Variants in COL4A5 observed in about 807,000 individuals in gnomAD.
COL4A5 encodes collagen type IV alpha 5 chain.
A neutral mutation model predicts 130.2 loss-of-function variants in COL4A5; 26 were observed. The observed-to-expected ratio is 0.20, with a 90% CI of 0.15 to 0.28. COL4A5 has a LOEUF of 0.28. Among genes scored for constraint, COL4A5 ranks in the 10% least tolerant of loss-of-function variants. The pLI, the probability that COL4A5 is intolerant of heterozygous loss-of-function variation, is 1.00. For synonymous variants in COL4A5, 496 were observed against 439.6 expected, an observed-to-expected ratio of 1.13 and a Z score of -1.60; for missense variants, 1,131 against 1,344.3, an observed-to-expected ratio of 0.84 and a Z score of 2.48.
rs752050845 is a variant in COL4A5, at chrX:108,677,622, C to T, written c.3931C>T (p.Pro1311Ser). The T allele has an allele frequency of 1.7e-6, 2 of 1,210,126 alleles. No individual in the cohort carries two copies. The highest frequency in any genetic ancestry group is 2.2e-6 in the Non-Finnish European group (2 of 894,543). The change falls in exon 44 of 53, where the codon CCA becomes TCA. Residue 1311 changes from proline (P) to serine (S), a missense_variant. Pro to Ser is a moderately conservative substitution (Grantham distance 74, BLOSUM62 -1). Transcript: ENST00000328300. ...TGGTTTGAAAGGAGATCAAGGACCA[C>T]CAGGACTCCAGGTAGGAAATGGAAG... ...LPGLKGDQGPPGLQGNPGRPG... is the reference protein window; with the variant it reads ...LPGLKGDQGPSGLQGNPGRPG...
intron 46 of COL4A5, among the ~76,000 whole-genome samples, chrX:108,681,395 A>C (rs2068425963): frequency 9.1e-6 from 1 of 109,772 alleles, no homozygotes; most frequent in Non-Finnish European, 1.9e-5. Context: ...AAGCACAGCA[A>C]GCAAAAACTG....
At chrX:108,651,417 T>C (rs1359143340) in intron 36 of COL4A5, among the ~76,000 whole-genome samples, 1 of 112,177 alleles carries the variant, frequency 8.9e-6, no homozygotes, top group Non-Finnish European at 1.9e-5. Context: ...GTAATGTTTT[T>C]AGTTGTCTTT....
chrX:108,494,182 C>G (rs1447783178), intron 1 of COL4A5, among the ~76,000 whole-genome samples: 2 of 111,432 alleles, frequency 1.8e-5, no homozygotes, highest in East Asian at 5.6e-4. Context: ...CAGGTCCAAA[C>G]AGATCTAGCA....
intron 2 of COL4A5, among the ~76,000 whole-genome samples, chrX:108,547,192 T>G (rs2065672099): frequency 8.9e-6 from 1 of 111,962 alleles, no homozygotes; most frequent in Non-Finnish European, 1.9e-5. Context: ...ACTCTGACTT[T>G]TAGAATTTTC....
chrX:108,568,523 T>A, intron 4 of COL4A5, 106 bp from the exon 5 acceptor site: 1 of 584,498 alleles, frequency 1.7e-6, no homozygotes, highest in South Asian at 2.6e-5. Flanking sequence ...TGAGACACAA[T>A]TTTTCCAAAT....
chrX:108,674,776 T>TA, intron 43 of COL4A5, 23 bp downstream of exon 43: 4 of 1,156,736 alleles, frequency 3.5e-6, no homozygotes, highest in Non-Finnish European at 3.5e-6. Context: ...ACTGGTCAAT[T>TA]CTTTTTTTTT....
chrX:108,592,659 C>T (rs1025274703), intron 21 of COL4A5, among the ~76,000 whole-genome samples: 1 of 110,448 alleles, frequency 9.1e-6, no homozygotes, highest in Non-Finnish European at 1.9e-5. Flanking sequence ...AATGTCAGGT[C>T]TGTCCTTTTT....
intron 1 of COL4A5, among the ~76,000 whole-genome samples, chrX:108,537,974 A>G (rs2065479865): frequency 8.9e-6 from 1 of 111,955 alleles, no homozygotes; most frequent in South Asian, 3.7e-4. Flanking sequence ...TTGCAGAAAA[A>G]TATTATATAT....
chrX:108,582,988 C>T (rs2066275519), intron 17 of COL4A5, 51 bp downstream of exon 17: 2 of 975,652 alleles, frequency 2.0e-6, no homozygotes, highest in Non-Finnish European at 2.9e-6. Flanking sequence ...CTAAAATAAT[C>T]CTTTTCTTCT....
intron 2 of COL4A5, among the ~76,000 whole-genome samples, chrX:108,551,965 C>A (rs867840909): frequency 8.9e-6 from 1 of 111,916 alleles, no homozygotes; most frequent in Non-Finnish European, 1.9e-5. Flanking sequence ...AACAGAAAAC[C>A]AAATACCACA....
At position 108,586,673 on chromosome X, in the gene COL4A5, C is replaced by T. The variant is rs2066341480; in HGVS notation, c.1091C>T (p.Pro364Leu). The stretch of plus-strand genomic sequence containing the variant: ...GGAGAAAAAGGAAACATTGGGTTGC[C>T]TGGGTTGCCTGGAGAAAAAGGAGAG... ...TIGEKGNIGLPGLPGEKGERG... is the reference protein window; with the variant it reads ...TIGEKGNIGLLGLPGEKGERG... The change falls in exon 19 of 53, where the codon CCT (proline) becomes CTT (leucine). Residue 364 changes from proline (P) to leucine (L), a missense_variant. Pro to Leu is a moderately conservative substitution (Grantham distance 98). Coordinates refer to ENST00000328300, the MANE Select transcript of COL4A5 (RefSeq NM_033380.3). 8.3e-7 allele frequency: 1 copy of T among 1,207,478 alleles called. No individual in the cohort carries two copies. The highest frequency in any genetic ancestry group is 1.8e-5 in the South Asian group (1 of 56,663).
chrX:108,695,311 C>T lies in COL4A5; in HGVS notation c.4866C>T (p.Ser1622=), dbSNP rs200185163. The T allele has an allele frequency of 8.3e-7, 1 of 1,209,562 alleles. No homozygotes were observed. Among genetic ancestry groups the T allele is most frequent in the East Asian group, 3.0e-5 (1 of 33,744 alleles). Residue 1622 remains serine (S), a synonymous_variant, in exon 52 of 53, where the codon TCC becomes TCT. Coordinates refer to ENST00000328300, the MANE Select transcript of COL4A5 (RefSeq NM_033380.3). ...GAEGSGQALA[S]PGSCLEEFRS... is the part of the protein sequence containing the mutation. ...AAGGCTCAGGTCAAGCCCTAGCCTC[C>T]CCTGGTTCCTGCTTGGAAGAGTTTC... is the stretch of plus-strand genomic sequence containing the variant.
chrX:108,650,757 G>A (rs2067709584), intron 36 of COL4A5, among the ~76,000 whole-genome samples: 1 of 110,108 alleles, frequency 9.1e-6, no homozygotes, highest in Admixed American at 9.8e-5. Context: ...AATGATACAA[G>A]GGACTTTGGG....
rs1281451540 is a variant in COL4A5 at position 108,526,648 on chromosome X, CTTTCTTTCTTTCTTCTTTCTTTCTCTT to C, written c.82-13096_82-13070del. ...TCTTTCTTTCTTTCTTTCTTTCTTT[CTTTCTTTCTTTCTTCTTTCTTTCTCTT>C]TCTTTCTTTCTTTCTTTCTTTCTTT... is the stretch of plus-strand genomic sequence containing the variant. On this transcript the variant is annotated intron_variant, in intron 1 of 52. Transcript: ENST00000328300. Among the ~76,000 whole-genome samples, 207 of 52,183 alleles carry C rather than the reference CTTTCTTTCTTTCTTCTTTCTTTCTCTT, an allele frequency of 4.0e-3. 1 individual carries two copies. Among genetic ancestry groups the C allele is most frequent in the African/African-American group, 0.02 (188 of 9,456 alleles). The allele number at this position is 52,183 out of a possible 115,157, so 45.3% of individuals were successfully genotyped here. A position where few individuals can be genotyped will look rare whatever the true frequency, so the allele number is the denominator to read the frequency against.
chrX:108,440,973 C>G (rs1432614372), intron 1 of COL4A5, among the ~76,000 whole-genome samples: 1 of 111,125 alleles, frequency 9.0e-6, no homozygotes, highest in Non-Finnish European at 1.9e-5. Flanking sequence ...ACTCCTTTTT[C>G]AAAGGAGAAT....
intron 13 of COL4A5, among the ~76,000 whole-genome samples, chrX:108,580,172 T>C (rs985222573): frequency 5.4e-5 from 6 of 111,503 alleles, no homozygotes; most frequent in African/African-American, 2.0e-4. Context: ...TGTGTGATGC[T>C]GAGGTTTGGG....
At chrX:108,486,780 G>C (rs2064949183) in intron 1 of COL4A5, among the ~76,000 whole-genome samples, 1 of 111,844 alleles carries the variant, frequency 8.9e-6, no homozygotes, top group Admixed American at 9.5e-5. Flanking sequence ...AGTATTCCAT[G>C]CTATTTATAT....
chrX:108,444,117 G>A (rs936647552), intron 1 of COL4A5, among the ~76,000 whole-genome samples: 2 of 111,189 alleles, frequency 1.8e-5, no homozygotes, highest in Non-Finnish European at 3.8e-5. Context: ...TTGGCCAACA[G>A]GAGCCCCTTC....
At chrX:108,649,417 A>C (rs2067674727) in intron 36 of COL4A5, among the ~76,000 whole-genome samples, 2 of 111,976 alleles carry the variant, frequency 1.8e-5, no homozygotes, top group South Asian at 3.7e-4. Flanking sequence ...TCTAAACTTC[A>C]TTTGGAACCA....
Sources: allele counts gnomAD v4.1 joint callset (sites outside exome capture counted in the v4.1 genomes callset), GRCh38; gene constraint gnomAD v4.1.1; transcripts MANE v1.5; gene names NCBI Gene and HGNC (gene_info 2026-07-23, HGNC 2026-07-21).